Variants in FBXO42 observed in about 807,000 individuals in gnomAD.
FBXO42 encodes F-box protein 42.
A neutral mutation model predicts 71.7 loss-of-function variants in FBXO42; 12 were observed. The observed-to-expected ratio is 0.17, with a 90% confidence interval of 0.11 to 0.27. The LOEUF (loss-of-function observed/expected upper bound fraction) is 0.27. FBXO42 is among the 10% of genes least tolerant of loss of function. The probability of loss-of-function intolerance (pLI) is 1.00; values close to 1 mark genes in which losing one functional copy is unlikely to be tolerated. For missense variants in FBXO42, 707 were observed against 911.9 expected (o/e 0.78, Z 2.89); for synonymous variants, 325 against 327.5 (o/e 0.99, Z 0.08).
At chr1:16,305,685 G>C (rs546899365) in intron 3 of FBXO42, 118 bp downstream of exon 3, 4 of 838,218 alleles carry the variant, frequency 4.8e-6, no homozygotes, top group South Asian at 4.4e-5. Flanking sequence ...CTGCACTCCA[G>C]CTTGGGTGAT....
intron 1 of FBXO42, among the ~76,000 whole-genome samples, chr1:16,348,513 A>T (rs1268985553): frequency 6.6e-6 from 1 of 151,994 alleles, no homozygotes; most frequent in Non-Finnish European, 1.5e-5. Flanking sequence ...CCTGGCCAAT[A>T]TGGTGAAATC....
rs1239041751 is a variant in FBXO42, at chr1:16,262,702, T to C, written c.503-5943A>G. ...ACGCGGATCCATCAATTTTGGCAAT[T>C]TCTTTTTCTTTTTGAGACAGGGTCT... On this transcript the variant is annotated intron_variant, in intron 4 of 9. Coordinates refer to ENST00000375592, the MANE Select transcript of FBXO42 (RefSeq NM_018994.3). Among the ~76,000 whole-genome samples the C allele has an allele frequency of 2.6e-5, 4 of 152,092 alleles. No homozygotes were observed. The East Asian group carries it at 7.7e-4, about 29-fold the overall frequency.
At chr1:16,345,106 C>T (rs1290961017) in intron 1 of FBXO42, among the ~76,000 whole-genome samples, 10 of 151,334 alleles carry the variant, frequency 6.6e-5, no homozygotes, top group East Asian at 2.0e-4. Flanking sequence ...CTCAAAAAAA[C>T]GACAACAACA....
chr1:16,342,742 T>C (rs1036779378), intron 1 of FBXO42, among the ~76,000 whole-genome samples: 1 of 152,050 alleles, frequency 6.6e-6, no homozygotes, highest in Non-Finnish European at 1.5e-5. Context: ...TGATCCCCAA[T>C]GTGGTGGTGT....
chr1:16,343,231 T>A (rs1343901352), intron 1 of FBXO42, among the ~76,000 whole-genome samples: 1 of 152,138 alleles, frequency 6.6e-6, no homozygotes, highest in Non-Finnish European at 1.5e-5. Context: ...TCCTGATGGA[T>A]AAAAAATTCT....
intron 4 of FBXO42, among the ~76,000 whole-genome samples, chr1:16,265,008 T>C (rs1487274021): frequency 6.6e-6 from 1 of 152,224 alleles, no homozygotes; most frequent in Non-Finnish European, 1.5e-5. Context: ...CAGGACTACA[T>C]AGAGCAGCTC....
intron 2 of FBXO42, among the ~76,000 whole-genome samples, chr1:16,309,628 G>A (rs1042918699): frequency 2.0e-5 from 3 of 152,104 alleles, no homozygotes; most frequent in Non-Finnish European, 4.4e-5. Context: ...AGGCATGGTA[G>A]CTCACGCCTG....
At chr1:16,298,333 T>C (rs2082154295) in intron 3 of FBXO42, among the ~76,000 whole-genome samples, 1 of 152,164 alleles carries the variant, frequency 6.6e-6, no homozygotes, top group African/African-American at 2.4e-5. Context: ...TAATCTCCAC[T>C]AAAGGAGCTC....
chr1:16,333,949 T>A (rs2082526033), intron 1 of FBXO42, among the ~76,000 whole-genome samples: 1 of 152,176 alleles, frequency 6.6e-6, no homozygotes, highest in African/African-American at 2.4e-5. Flanking sequence ...GAAAATTGAT[T>A]TTGCATACTG....
chr1:16,266,462 G>A (rs752719836), intron 4 of FBXO42, among the ~76,000 whole-genome samples: 54 of 152,234 alleles, frequency 3.5e-4, no homozygotes, highest in Non-Finnish European at 7.1e-4. Flanking sequence ...GTGCAGACTC[G>A]CTTTCTCAGA....
intron 1 of FBXO42, among the ~76,000 whole-genome samples, chr1:16,328,453 C>T (rs2082468959): frequency 6.6e-6 from 1 of 152,124 alleles, no homozygotes; most frequent in Non-Finnish European, 1.5e-5. Flanking sequence ...AAATAGTTGG[C>T]AGATGGCTAG....
At chr1:16,263,188 C>T (rs918993992) in intron 4 of FBXO42, among the ~76,000 whole-genome samples, 2 of 151,836 alleles carry the variant, frequency 1.3e-5, no homozygotes, top group South Asian at 2.1e-4. Flanking sequence ...CTAAGCCAGG[C>T]GCGGTGGCTC....
intron 4 of FBXO42, among the ~76,000 whole-genome samples, chr1:16,273,724 C>G (rs2081869269): frequency 6.6e-6 from 1 of 151,802 alleles, no homozygotes. Flanking sequence ...AACAAAAATA[C>G]AAAAATTAAC....
intron 1 of FBXO42, among the ~76,000 whole-genome samples, chr1:16,316,729 T>TAAAAAAAAAAAAAA (rs2082370459): frequency 2.8e-5 from 1 of 35,876 alleles, no homozygotes; most frequent in African/African-American, 1.2e-4. Flanking sequence ...AGAAAGACTC[T>TAAAAAAAAAAAAAA]CAAAAAAAAA....
intron 1 of FBXO42, among the ~76,000 whole-genome samples, chr1:16,351,420 C>T (rs1412761296): frequency 6.6e-6 from 1 of 152,190 alleles, no homozygotes; most frequent in Non-Finnish European, 1.5e-5. Flanking sequence ...CTAGATCGAT[C>T]AGAATCCCAC....
At chr1:16,299,473 A>T (rs1397451219) in intron 3 of FBXO42, among the ~76,000 whole-genome samples, 1 of 152,186 alleles carries the variant, frequency 6.6e-6, no homozygotes, top group Non-Finnish European at 1.5e-5. Context: ...AGCCCAAAGT[A>T]TGCAAAGCTA....
At chr1:16,278,202 CA>C (rs890165961) in intron 4 of FBXO42, among the ~76,000 whole-genome samples, 1 of 149,808 alleles carries the variant, frequency 6.7e-6, no homozygotes, top group Non-Finnish European at 1.5e-5. Context: ...ACTAAAAATA[CA>C]AAATTAGCTG....
intron 1 of FBXO42, among the ~76,000 whole-genome samples, chr1:16,342,135 G>A (rs868273039): frequency 1.3e-4 from 19 of 151,764 alleles, no homozygotes; most frequent in African/African-American, 4.4e-4. Context: ...AGTGGCTCAC[G>A]CCTGTAATCC....
At chr1:16,333,693 C>A (rs1042339840) in intron 1 of FBXO42, among the ~76,000 whole-genome samples, 4 of 152,080 alleles carry the variant, frequency 2.6e-5, no homozygotes, top group Non-Finnish European at 4.4e-5. Flanking sequence ...AATCAAGATG[C>A]AAAAATGCAC....
Sources: allele counts gnomAD v4.1 joint callset (sites outside exome capture counted in the v4.1 genomes callset), GRCh38; gene constraint gnomAD v4.1.1; transcripts MANE v1.5; gene names NCBI Gene and HGNC (gene_info 2026-07-23, HGNC 2026-07-21).